The following SKOR2 variants were observed in gnomAD, a reference collection of about 807,000 sequenced individuals.
SKOR2 encodes LBX1 corepressor 1-like protein.
SKOR2 carries 47 observed loss-of-function variants against 69.1 expected under a neutral mutation model. The observed-to-expected ratio is 0.68, with a 90% confidence interval of 0.54 to 0.87. The LOEUF (loss-of-function observed/expected upper bound fraction) is 0.87. Ranked by LOEUF, SKOR2 falls within the 40% of genes least tolerant of loss-of-function variation. The pLI, the probability that SKOR2 is intolerant of heterozygous loss-of-function variation, is 0.00. For missense variants in SKOR2, 1,404 were observed against 1,472.2 expected (o/e 0.95, Z 0.76); for synonymous variants, 717 against 672.6 (o/e 1.07, Z -1.02).
intron 6 of SKOR2, among the ~76,000 whole-genome samples, chr18:47,227,326 A>ATTTTTTTTT (rs778462203): frequency 3.3e-5 from 3 of 91,132 alleles, no homozygotes; most frequent in African/African-American, 1.1e-4. Context: ...CAAGAAGCCA[A>ATTTTTTTTT]TTTTTTTTTT....
At chr18:47,208,795 T>C (rs2064119906) in intron 8 of SKOR2, among the ~76,000 whole-genome samples, 1 of 152,176 alleles carries the variant, frequency 6.6e-6, no homozygotes, top group South Asian at 2.1e-4. Flanking sequence ...TCCATTGTAC[T>C]CATGAGCTTA....
At chr18:47,228,600 C>T (rs949706903) in intron 6 of SKOR2, among the ~76,000 whole-genome samples, 1 of 152,002 alleles carries the variant, frequency 6.6e-6, no homozygotes, top group Non-Finnish European at 1.5e-5. Context: ...GGACTTGGAC[C>T]CACTCTGCTA....
chr18:47,247,961 G>T lies in SKOR2; in HGVS notation c.1223C>A (p.Pro408His), dbSNP rs776734695. The T allele has an allele frequency of 6.5e-4, 900 of 1,376,570 alleles. 15 individuals are homozygous for T. In the African/African-American group the frequency reaches 0.013, roughly 19 times the overall value. The allele number at this position is 1,376,570 out of a possible 1,614,324, so 85.3% of individuals were successfully genotyped here. ...FPGCGGLFPH[P>H]YTFPAAAAAF... ...GGCGGCCGCGGCAGGGAAGGTGTAG[G>T]GGTGCGGGAAGAGCCCGCCGCAGCC... The change falls in exon 2 of 9, where the codon CCC becomes CAC. Residue 408 changes from proline to histidine, a missense_variant. Coordinates refer to ENST00000425639, the MANE Select transcript of SKOR2 (RefSeq NM_001278063.4). The surrounding 1 kb of genome is among the most constrained non-coding windows in gnomAD (Gnocchi z 6.6).
intron 7 of SKOR2, among the ~76,000 whole-genome samples, chr18:47,219,629 G>A (rs1488552824): frequency 2.0e-5 from 3 of 152,126 alleles, no homozygotes; most frequent in African/African-American, 7.2e-5. Flanking sequence ...CACTGAGCTC[G>A]TAGCATAGCC....
In SKOR2 at chr18:47,247,306, T is replaced by C; in HGVS notation, c.1878A>G (p.Pro626=). The C allele has an allele frequency of 6.7e-7, 1 of 1,482,666 alleles. No individual in the cohort carries two copies. 91.8% of individuals were successfully genotyped at this position (1,482,666 alleles called of 1,614,324 possible). Residue 626 remains proline, a synonymous_variant, in exon 2 of 9, where the codon CCA becomes CCG. Coordinates refer to ENST00000425639, the MANE Select transcript of SKOR2 (RefSeq NM_001278063.4). This position sits in a 1 kb window ranked among gnomAD's most constrained non-coding sequence, Gnocchi z 6.6. ...TCTCCGCGTCGTCCTTGCCGCCCAC[T>C]GGCCGGAAGGCGCTGGAATGGTGGT... ...GSYHHSSAFR[P]VGGKDDAESL...
intron 4 of SKOR2, among the ~76,000 whole-genome samples, chr18:47,242,106 C>T (rs1171902704): frequency 3.3e-5 from 5 of 152,072 alleles, no homozygotes; most frequent in Admixed American, 2.6e-4. Flanking sequence ...TTTTTATCTG[C>T]TTGGCTATCA....
chr18:47,241,444 G>C (rs2064248346), intron 4 of SKOR2, among the ~76,000 whole-genome samples: 1 of 152,014 alleles, frequency 6.6e-6, no homozygotes, highest in South Asian at 2.1e-4. Flanking sequence ...CAAAACATAG[G>C]TCACTTGGGC....
chr18:47,235,492 G>A (rs2064218394), intron 4 of SKOR2, among the ~76,000 whole-genome samples: 2 of 152,180 alleles, frequency 1.3e-5, no homozygotes, highest in Non-Finnish European at 2.9e-5. Flanking sequence ...CAGGAGGGTG[G>A]AGGCAGCATC....
chr18:47,223,917 TAA>T (rs377754483), intron 6 of SKOR2, among the ~76,000 whole-genome samples: 5 of 128,858 alleles, frequency 3.9e-5, no homozygotes, highest in Admixed American at 7.6e-5. Context: ...TTTTTTTTTT[TAA>T]ATTTGAGGCA....
chr18:47,215,548 C>T (rs1192098186), intron 7 of SKOR2, among the ~76,000 whole-genome samples: 6 of 152,148 alleles, frequency 3.9e-5, no homozygotes, highest in Non-Finnish European at 7.4e-5. Context: ...TCACTCCTTT[C>T]CCTGTGACGA....
intron 1 of SKOR2, among the ~76,000 whole-genome samples, chr18:47,249,873 A>G (rs970472300): frequency 1.3e-5 from 2 of 152,252 alleles, no homozygotes; most frequent in African/African-American, 4.8e-5. Context: ...TGAAAAATGT[A>G]CAAAGTCATA....
intron 8 of SKOR2, among the ~76,000 whole-genome samples, chr18:47,210,429 A>T (rs544779699): frequency 6.6e-6 from 1 of 152,322 alleles, no homozygotes; most frequent in East Asian, 1.9e-4. Flanking sequence ...TTTATGATTT[A>T]TAAACTTTGA....
chr18:47,245,478 A>ATTTTTTTTTTT lies in SKOR2; in HGVS notation c.2677+9_2677+19dup, dbSNP rs10670977. 7.1e-3 allele frequency: 8,486 copies of ATTTTTTTTTTT among 1,188,390 alleles called. 257 individuals are homozygous for ATTTTTTTTTTT. The highest frequency in any genetic ancestry group is 0.036 in the East Asian group (1,159 of 32,590). 73.6% of individuals were successfully genotyped at this position (1,188,390 alleles called of 1,614,324 possible). A position where few individuals can be genotyped will look rare whatever the true frequency, so the allele number is the denominator to read the frequency against. On this transcript the variant is annotated intron_variant, in intron 3 of 8. Coordinates refer to ENST00000425639, the MANE Select transcript of SKOR2 (RefSeq NM_001278063.4). Reference sequence around the variant, plus strand: ...ATGCAGGCAAGAAAAGTGGCAGCTGATTTTTTTTTTTTTTTTTACCTGAAA... The same window carrying ATTTTTTTTTTT: ...ATGCAGGCAAGAAAAGTGGCAGCTGATTTTTTTTTTTTTTTTTTTTTTTTTTTTACCTGAAA...
At chr18:47,215,461 C>T (rs958831525) in intron 7 of SKOR2, among the ~76,000 whole-genome samples, 1 of 151,998 alleles carries the variant, frequency 6.6e-6, no homozygotes, top group African/African-American at 2.4e-5. Flanking sequence ...TGGAGAACCT[C>T]CAAGAAAAGA....
In SKOR2 at chr18:47,246,598, T is replaced by C. The variant is rs1464767124; in HGVS notation, c.2586A>G (p.Ser862=). The change falls in exon 2 of 9, where the codon TCA becomes TCG. Residue 862 remains serine (S), a synonymous_variant. Transcript: ENST00000425639. ...SSPGSPVHHP[S]LEEQPSYKDS... Reference sequence around the variant, plus strand: ...CTTTGTAGGAGGGCTGCTCCTCCAGTGATGGATGGTGAACTGGGCTGCCCG... The same window carrying C: ...CTTTGTAGGAGGGCTGCTCCTCCAGCGATGGATGGTGAACTGGGCTGCCCG... 6.6e-7 allele frequency: 1 copy of C among 1,524,172 alleles called. No homozygotes were observed. Among genetic ancestry groups the C allele is most frequent in the African/African-American group, 1.4e-5 (1 of 71,110 alleles). The allele number at this position is 1,524,172 out of a possible 1,614,324, so 94.4% of individuals were successfully genotyped here.
chr18:47,224,324 A>G (rs2064171491), intron 6 of SKOR2, among the ~76,000 whole-genome samples: 1 of 152,234 alleles, frequency 6.6e-6, no homozygotes, highest in African/African-American at 2.4e-5. Flanking sequence ...TTGGAAAATG[A>G]TAATACGAAA....
Position 47,247,423 on chromosome 18 carries a change from G to T in SKOR2, c.1761C>A (p.Ala587=). The T allele has an allele frequency of 1.5e-6, 2 of 1,294,634 alleles. No homozygotes were observed. The highest frequency in any genetic ancestry group is 3.0e-4 in the Middle Eastern group (1 of 3,350). The allele number at this position is 1,294,634 out of a possible 1,614,324, so 80.2% of individuals were successfully genotyped here. ...ADSVAAAGAG[A]AAAGSGPAGS... is the part of the protein sequence containing the mutation. ...CCGCGGGGCCAGACCCGGCGGCCGCGGCCCCTGCCCCGGCAGCTGCCACAG... is the reference window on the plus strand; with the variant it reads ...CCGCGGGGCCAGACCCGGCGGCCGCTGCCCCTGCCCCGGCAGCTGCCACAG... The change falls in exon 2 of 9, where the codon GCC becomes GCA. Residue 587 remains alanine (A), a synonymous_variant. Coordinates refer to ENST00000425639, the MANE Select transcript of SKOR2 (RefSeq NM_001278063.4). This position sits in a 1 kb window ranked among gnomAD's most constrained non-coding sequence, Gnocchi z 6.6.
chr18:47,226,331 G>T (rs912320746), intron 6 of SKOR2, among the ~76,000 whole-genome samples: 2 of 152,090 alleles, frequency 1.3e-5, no homozygotes, highest in Non-Finnish European at 2.9e-5. Context: ...GTGAGTGAGG[G>T]AGTTTGGAAT....
At chr18:47,236,173 T>C (rs1403368609) in intron 4 of SKOR2, among the ~76,000 whole-genome samples, 1 of 152,180 alleles carries the variant, frequency 6.6e-6, no homozygotes, top group Non-Finnish European at 1.5e-5. Context: ...ATTTTTTTTG[T>C]AGAGACGGGG....
Sources: gnomAD v4.1 joint callset for allele counts (sites outside exome capture counted in the v4.1 genomes callset) on GRCh38, gnomAD v4.1.1 for gene constraint, Gnocchi (gnomAD v3.1) non-coding constraint, MANE v1.5 for transcripts, NCBI Gene and HGNC (gene_info 2026-07-23, HGNC 2026-07-21) for gene names.